Variants in YPEL1 observed in about 807,000 individuals in gnomAD.
YPEL1 encodes the protein protein yippee-like 1.
YPEL1 carries 7 observed loss-of-function variants against 17.3 expected under a neutral mutation model. The observed-to-expected ratio is 0.40, with a 90% CI of 0.23 to 0.76. The LOEUF is 0.76. Ranked by LOEUF, YPEL1 falls within the 30% of genes least tolerant of loss-of-function variation. The pLI, the probability that YPEL1 is intolerant of heterozygous loss-of-function variation, is 0.35. For missense variants in YPEL1, 91 were observed against 155.5 expected (o/e 0.59, Z 2.21); for synonymous variants, 59 against 59.6 (o/e 0.99, Z 0.05).
At position 21,703,349 on chromosome 22, in the gene YPEL1, G is replaced by A. The variant is rs1601623631; in HGVS notation, c.270+21C>T. The stretch of plus-strand genomic sequence containing the variant: ...AGTGCCACATCCCCTTGTGGCACGA[G>A]CATCCCCTTGTGGCACTCACGTATT... On this transcript the variant is annotated intron_variant, in intron 4 of 4. Coordinates refer to ENST00000339468, the MANE Select transcript of YPEL1 (RefSeq NM_013313.5). The surrounding 1 kb of genome is among the most constrained non-coding windows in gnomAD (Gnocchi z 6.1). 4 of 1,606,760 alleles carry A rather than the reference G, an allele frequency of 2.5e-6. No homozygotes were observed. The highest frequency in any genetic ancestry group is 3.4e-6 in the Non-Finnish European group (4 of 1,174,696).
intron 1 of YPEL1, among the ~76,000 whole-genome samples, chr22:21,724,814 G>C (rs114420948): frequency 6.6e-6 from 1 of 151,752 alleles, no homozygotes; most frequent in East Asian, 1.9e-4. Context: ...CTCCTGGCTC[G>C]GGCCATCCAC....
intron 1 of YPEL1, among the ~76,000 whole-genome samples, chr22:21,719,799 G>A (rs975855453): frequency 7.9e-5 from 12 of 151,940 alleles, no homozygotes; most frequent in Admixed American, 2.0e-4. Context: ...AGGCCCAGGC[G>A]GGTGGATCAT....
At chr22:21,731,678 C>A (rs1457126596) in intron 1 of YPEL1, among the ~76,000 whole-genome samples, 1 of 151,998 alleles carries the variant, frequency 6.6e-6, no homozygotes, top group Non-Finnish European at 1.5e-5. Context: ...GGTTTGGCAA[C>A]AGGGATGTCA....
At chr22:21,720,179 A>C (rs1475774315) in intron 1 of YPEL1, among the ~76,000 whole-genome samples, 1 of 143,974 alleles carries the variant, frequency 6.9e-6, no homozygotes. Context: ...CTCTGTATCA[A>C]AAAAAAAAAA....
rs1233463035 is a variant in YPEL1, at chr22:21,700,822, T to C, written c.*307A>G. 4.2e-6 allele frequency: 1 copy of C among 240,330 alleles called. No homozygotes were observed. The highest frequency in any genetic ancestry group is 8.1e-6 in the Non-Finnish European group (1 of 123,586). The allele number at this position is 240,330 out of a possible 1,614,324, so 14.9% of individuals were successfully genotyped here. A position where few individuals can be genotyped will look rare whatever the true frequency, so the allele number is the denominator to read the frequency against. On this transcript the variant is annotated 3_prime_UTR_variant, in exon 5 of 5. Coordinates refer to ENST00000339468, the MANE Select transcript of YPEL1 (RefSeq NM_013313.5). ...CTTAAAAAAGCAGAGCCCAACTATA[T>C]TGAAGACAAAGGTGAAAGGAAGATA...
intron 1 of YPEL1, among the ~76,000 whole-genome samples, chr22:21,718,493 A>T (rs75293090): frequency 0.012 from 1,850 of 151,788 alleles, 34 homozygotes; most frequent in African/African-American, 0.043. Context: ...ATAAATAAAT[A>T]AAAGAAAAAA....
intron 4 of YPEL1, 134 bp from the exon 5 acceptor site, chr22:21,701,352 C>T: frequency 1.6e-6 from 1 of 616,408 alleles, no homozygotes; most frequent in Non-Finnish European, 2.8e-6. Context: ...GTGCACTCAT[C>T]CGGCGCTGGG....
intron 1 of YPEL1, among the ~76,000 whole-genome samples, chr22:21,721,467 AGGCTGGAGTACAGT>A (rs2068283020): frequency 6.7e-6 from 1 of 150,066 alleles, no homozygotes; most frequent in Non-Finnish European, 1.5e-5. Flanking sequence ...TCTGTCACTC[AGGCTGGAGTACAGT>A]GGCGTGATCT....
At chr22:21,720,011 CAAA>C (rs112623506) in intron 1 of YPEL1, among the ~76,000 whole-genome samples, 3 of 112,920 alleles carry the variant, frequency 2.7e-5, no homozygotes, top group African/African-American at 3.4e-5. Context: ...GACTCCATCT[CAAA>C]AAAAAAAAAA....
intron 2 of YPEL1, among the ~76,000 whole-genome samples, chr22:21,704,443 G>A (rs2068097471): frequency 6.6e-6 from 1 of 152,156 alleles, no homozygotes; most frequent in Admixed American, 6.5e-5. Context: ...GATCACCTGA[G>A]GTCAGGAGTT....
At chr22:21,713,268 T>C (rs1463001322) in intron 1 of YPEL1, among the ~76,000 whole-genome samples, 1 of 152,164 alleles carries the variant, frequency 6.6e-6, no homozygotes, top group East Asian at 1.9e-4. Flanking sequence ...TGGGTATAAA[T>C]CCACGAGAAC....
At chr22:21,713,054 G>A (rs751219583) in intron 1 of YPEL1, among the ~76,000 whole-genome samples, 1 of 152,158 alleles carries the variant, frequency 6.6e-6, no homozygotes, top group Non-Finnish European at 1.5e-5. Context: ...CAAGGACCAC[G>A]TTGAGACACC....
chr22:21,704,056 C>A, intron 2 of YPEL1, 174 bp from the exon 3 acceptor site: 1 of 754,094 alleles, frequency 1.3e-6, no homozygotes. Flanking sequence ...AGCCACTTAA[C>A]GGAGCTGCAA....
chr22:21,726,596 G>C (rs928794958), intron 1 of YPEL1, among the ~76,000 whole-genome samples: 4 of 152,138 alleles, frequency 2.6e-5, no homozygotes, highest in Non-Finnish European at 4.4e-5. Context: ...AGGAGGAAGC[G>C]GTGCGTCCCC....
Position 21,698,328 on chromosome 22 carries a change from A to AAAGAC in YPEL1, c.*2796_*2800dup, listed in dbSNP as rs1331102867. The AAAGAC allele has an allele frequency of 6.6e-6, 1 of 152,320 alleles. No individual in the cohort carries two copies. Among genetic ancestry groups the AAAGAC allele is most frequent in the East Asian group, 1.9e-4 (1 of 5,322 alleles). 9.4% of individuals were successfully genotyped at this position (152,320 alleles called of 1,614,324 possible). On this transcript the variant is annotated 3_prime_UTR_variant, in exon 5 of 5. Transcript: ENST00000339468. ...AAAATGTTCAATCAATGCCGTCACA[A>AAAGAC]AAGACAGTACAAAAACCAAAGTGCC...
intron 1 of YPEL1, among the ~76,000 whole-genome samples, chr22:21,714,575 C>G (rs1443198698): frequency 5.3e-5 from 8 of 152,184 alleles, no homozygotes; most frequent in Admixed American, 1.3e-4. Context: ...TATCGGCTCC[C>G]AGGCTGGCTA....
In YPEL1 at chr22:21,710,848, G is replaced by T. The variant is rs182271632; in HGVS notation, c.-104C>A. On this transcript the variant is annotated 5_prime_UTR_variant, in exon 2 of 5. Coordinates refer to ENST00000339468, the MANE Select transcript of YPEL1 (RefSeq NM_013313.5). ...ACACTGGAAAATGCACGCAAGAGCC[G>T]TCGTTGTCCAGGAGGGCGTGTGGCA... 326 of 1,040,510 alleles carry T rather than the reference G, an allele frequency of 3.1e-4. No homozygotes were observed. Among genetic ancestry groups the T allele is most frequent in the Non-Finnish European group, 4.4e-4 (295 of 663,394 alleles). 64.5% of individuals were successfully genotyped at this position (1,040,510 alleles called of 1,614,324 possible). A position where few individuals can be genotyped will look rare whatever the true frequency, so the allele number is the denominator to read the frequency against.
rs1413173206 is a variant in YPEL1, at chr22:21,721,417, C to CTT, written c.-164-10511_-164-10510dup. Among the ~76,000 whole-genome samples the CTT allele has an allele frequency of 3.4e-3, 138 of 41,106 alleles. 1 individual carries two copies. Among genetic ancestry groups the CTT allele is most frequent in the African/African-American group, 0.011 (133 of 12,128 alleles). 27.0% of individuals were successfully genotyped at this position (41,106 alleles called of 152,430 possible). On this transcript the variant is annotated intron_variant, in intron 1 of 4. Transcript: ENST00000339468. ...ACAGCAGTGAGCCACCATGCCCAGCCTTTTTTTCTTTTTTTTTTTTTTTTG... is the reference window on the plus strand; with the variant it reads ...ACAGCAGTGAGCCACCATGCCCAGCCTTTTTTTTTCTTTTTTTTTTTTTTTTG...
At chr22:21,701,621 A>G (rs140635886) in intron 4 of YPEL1, among the ~76,000 whole-genome samples, 1 of 152,348 alleles carries the variant, frequency 6.6e-6, no homozygotes, top group African/African-American at 2.4e-5. Context: ...CTTGTAGGAC[A>G]GTGTGAATGC....
Sources: gnomAD v4.1 joint callset for allele counts (sites outside exome capture counted in the v4.1 genomes callset) on GRCh38, gnomAD v4.1.1 for gene constraint, Gnocchi (gnomAD v3.1) non-coding constraint, MANE v1.5 for transcripts, NCBI Gene and HGNC (gene_info 2026-07-23, HGNC 2026-07-21) for gene names.